The following BRDT variants were observed in gnomAD, a reference collection of about 807,000 sequenced individuals.
BRDT encodes bromodomain testis associated.
A neutral mutation model predicts 113.9 loss-of-function variants in BRDT; 77 were observed. That is an observed-to-expected ratio of 0.68 (90% confidence interval 0.56 to 0.82). The LOEUF is 0.82. Ranked by LOEUF, BRDT falls within the 40% of genes least tolerant of loss-of-function variation. The pLI, the probability that BRDT is intolerant of heterozygous loss-of-function variation, is 0.00. For synonymous variants in BRDT, 358 were observed against 366.5 expected, an observed-to-expected ratio of 0.98 and a Z score of 0.26; for missense variants, 1,027 against 1,105.4, an observed-to-expected ratio of 0.93 and a Z score of 1.01.
At chr1:91,965,237 G>A (rs1682936486) in intron 3 of BRDT, among the ~76,000 whole-genome samples, 1 of 151,904 alleles carries the variant, frequency 6.6e-6, no homozygotes, top group Non-Finnish European at 1.5e-5. Context: ...TATTTTTAAG[G>A]ACAATACTTT....
At chr1:91,949,940 T>A (rs2101438194) in intron 1 of BRDT, 1 of 150,168 alleles carries the variant, frequency 6.7e-6, no homozygotes, top group East Asian at 2.0e-4. Flanking sequence ...GTACTGTAAT[T>A]TTGGAAATGC....
At chr1:91,964,207 C>T (rs944664406) in intron 2 of BRDT, among the ~76,000 whole-genome samples, 10 of 152,152 alleles carry the variant, frequency 6.6e-5, no homozygotes, top group South Asian at 2.1e-4. Context: ...ATTACAGGCA[C>T]GCATCATCAC....
intron 3 of BRDT, among the ~76,000 whole-genome samples, chr1:91,967,079 G>C (rs1038113582): frequency 3.9e-5 from 6 of 151,946 alleles, no homozygotes; most frequent in Non-Finnish European, 7.4e-5. Flanking sequence ...TGAATATGTT[G>C]GTAGAGTTGG....
intron 12 of BRDT, among the ~76,000 whole-genome samples, chr1:91,985,885 G>T (rs1685191413): frequency 1.3e-5 from 2 of 148,764 alleles, no homozygotes; most frequent in African/African-American, 4.9e-5. Flanking sequence ...TGATCCGCCC[G>T]CCTCGGCCTC....
chr1:91,978,443 A>G (rs1684363690), intron 7 of BRDT, 147 bp downstream of exon 7: 2 of 927,564 alleles, frequency 2.2e-6, no homozygotes, highest in African/African-American at 3.3e-5. Context: ...TTGCACCAAC[A>G]AAACAGTTTA....
chr1:91,953,798 T>C (rs1033447171), intron 1 of BRDT, among the ~76,000 whole-genome samples: 1 of 152,250 alleles, frequency 6.6e-6, no homozygotes, highest in African/African-American at 2.4e-5. Context: ...TATTGTGTGA[T>C]TGTCTTCAAC....
intron 15 of BRDT, among the ~76,000 whole-genome samples, chr1:91,996,759 A>G (rs954163254): frequency 4.6e-5 from 7 of 152,194 alleles, no homozygotes; most frequent in African/African-American, 1.7e-4. Flanking sequence ...AGGATGAATG[A>G]GCTACTGGGA....
intron 15 of BRDT, among the ~76,000 whole-genome samples, chr1:91,999,781 C>A (rs895689752): frequency 1.3e-5 from 2 of 152,222 alleles, no homozygotes; most frequent in Non-Finnish European, 2.9e-5. Flanking sequence ...AGGCCCCAGG[C>A]ATGTTTATAC....
intron 15 of BRDT, among the ~76,000 whole-genome samples, chr1:91,995,403 CTGTGTGTGTGTGTGTGTGTGTGTGTG>C (rs200254179): frequency 0.49 from 71,473 of 146,632 alleles, 17,595 homozygotes; most frequent in East Asian, 0.55. Context: ...CCCTACTATT[CTGTGTGTGTGTGTGTGTGTGTGTGTG>C]TGTGTGTGTG....
At chr1:91,993,341 A>T (rs746236609) in intron 14 of BRDT, among the ~76,000 whole-genome samples, 1 of 152,224 alleles carries the variant, frequency 6.6e-6, no homozygotes, top group Non-Finnish European at 1.5e-5. Flanking sequence ...TAGTTAGATA[A>T]GGCTACTGGG....
Position 91,981,167 on chromosome 1 carries a change from T to C in BRDT, c.1739T>C (p.Leu580Ser), listed in dbSNP as rs1173302934. The stretch of plus-strand genomic sequence containing the variant: ...TCGGCATGTCTAAGAAAGAGACCAT[T>C]AAAACCTCCTGGTATGTATTTCTGC... ...YVSACLRKRP[L>S]KPPAKKIMMS... The change falls in exon 10 of 19, where the codon TTA becomes TCA. Residue 580 changes from leucine (L) to serine (S), a missense_variant. Physicochemically the swap from Leu to Ser is moderately radical, Grantham distance 145 (BLOSUM62 -2). Coordinates refer to ENST00000399546, the MANE Select transcript of BRDT (RefSeq NM_207189.4). 2 of 1,609,454 alleles carry C rather than the reference T, an allele frequency of 1.2e-6. No homozygotes were observed. Among genetic ancestry groups the C allele is most frequent in the Non-Finnish European group, 1.7e-6 (2 of 1,178,646 alleles).
intron 6 of BRDT, among the ~76,000 whole-genome samples, chr1:91,977,770 G>A (rs940666092): frequency 6.6e-6 from 1 of 151,670 alleles, no homozygotes; most frequent in Admixed American, 6.6e-5. Flanking sequence ...TCCAGAGGCT[G>A]AGTCACGAGA....
At chr1:91,970,910 CAAAAA>C (rs56365341) in intron 4 of BRDT, among the ~76,000 whole-genome samples, 3 of 113,948 alleles carry the variant, frequency 2.6e-5, no homozygotes, top group Non-Finnish European at 3.5e-5. Context: ...GACCCTTTCT[CAAAAA>C]AAAAAAAAAA....
intron 5 of BRDT, 41 bp from the exon 6 acceptor site, chr1:91,977,002 C>T: frequency 6.9e-7 from 1 of 1,444,600 alleles, no homozygotes; most frequent in Non-Finnish European, 9.3e-7. Flanking sequence ...CTCTGAATAT[C>T]ATCTCAAATA....
rs748824658 is a variant in BRDT at position 91,977,050 on chromosome 1, A to C, written c.626A>C (p.Lys209Thr). Residue 209 changes from lysine to threonine, a missense_variant, in exon 6 of 19, where the codon AAA becomes ACA. Lys to Thr is a moderately conservative substitution (Grantham distance 78). Coordinates refer to ENST00000399546, the MANE Select transcript of BRDT (RefSeq NM_207189.4). ...TGAATTGTTCTGTTGTAGGTTACAA[A>C]AGGTGTGAAGAGGAAAGCAGATACA... The part of the protein sequence containing the change: ...SSSQTAAQVT[K>T]GVKRKADTTT... 6.3e-7 allele frequency: 1 copy of C among 1,595,640 alleles called. No individual in the cohort carries two copies. The highest frequency in any genetic ancestry group is 1.1e-5 in the South Asian group (1 of 87,378).
chr1:91,969,295 C>T (rs1405330899), intron 4 of BRDT, among the ~76,000 whole-genome samples: 1 of 151,374 alleles, frequency 6.6e-6, no homozygotes, highest in African/African-American at 2.4e-5. Context: ...TAGTTAAGTG[C>T]CTGAGATATA....
In BRDT at chr1:91,976,342, G is replaced by T. The variant is rs1243503240; in HGVS notation, c.522G>T (p.Gln174His). ...SPSATEKVFK[Q>H]QEIPSVFPKT... ...GCGCAACAGAAAAAGTATTTAAGCA[G>T]CAAGAAATTCCTTCTGTATTTCCTA... Residue 174 changes from glutamine (Q) to histidine (H), a missense_variant, in exon 5 of 19, where the codon CAG (glutamine) becomes CAT (histidine). By Grantham distance (24) the Gln-to-His change is conservative. Coordinates refer to ENST00000399546, the MANE Select transcript of BRDT (RefSeq NM_207189.4). 5.0e-6 allele frequency: 8 copies of T among 1,612,662 alleles called. No homozygotes were observed. Among genetic ancestry groups the T allele is most frequent in the Middle Eastern group, 1.6e-4 (1 of 6,078 alleles).
chr1:92,013,379 C>A (rs1687974307), intron 18 of BRDT, among the ~76,000 whole-genome samples: 1 of 152,124 alleles, frequency 6.6e-6, no homozygotes, highest in Non-Finnish European at 1.5e-5. Flanking sequence ...AATATTTTCC[C>A]ACATAGCTAA....
chr1:91,997,749 G>C (rs910154354), intron 15 of BRDT, among the ~76,000 whole-genome samples: 2 of 152,214 alleles, frequency 1.3e-5, no homozygotes, highest in Non-Finnish European at 2.9e-5. Context: ...CAGAGTAGCT[G>C]TTCTTTTGCA....
Sources: allele counts gnomAD v4.1 joint callset (sites outside exome capture counted in the v4.1 genomes callset), GRCh38; gene constraint gnomAD v4.1.1; transcripts MANE v1.5; gene names NCBI Gene and HGNC (gene_info 2026-07-23, HGNC 2026-07-21).